The following SHH variants were observed in gnomAD, a reference collection of about 807,000 sequenced individuals.
The protein encoded by SHH is sonic hedgehog protein.
In SHH, 3 loss-of-function variants were observed where a neutral mutation model predicts 16.6. That is an observed-to-expected ratio of 0.18 (90% CI 0.08 to 0.47). The LOEUF (loss-of-function observed/expected upper bound fraction) is 0.47, where lower values mean the gene tolerates loss of function less well. Ranked by LOEUF, SHH falls within the 20% of genes least tolerant of loss-of-function variation. The probability of loss-of-function intolerance (pLI) is 0.98; values close to 1 mark genes in which losing one functional copy is unlikely to be tolerated. For missense variants in SHH, 499 were observed against 665.0 expected (o/e 0.75, Z 2.75); for synonymous variants, 351 against 316.2 (o/e 1.11, Z -1.17).
rs1803533904 is a variant in SHH, at chr7:155,812,030, C to T, written c.93G>A (p.Gly31=). 5 of 1,614,180 alleles carry T rather than the reference C, an allele frequency of 3.1e-6. No homozygotes were observed. Among genetic ancestry groups the T allele is most frequent in the Middle Eastern group, 3.3e-4 (2 of 6,062 alleles). ...TCAGCTTTTTGGGGTGCCTCCTCTT[C>T]CCGAACCCCCTGCCCGGTCCGCACG... ...GLACGPGRGF[G]KRRHPKKLTP... is the part of the protein sequence containing the mutation. The change falls in exon 1 of 3, where the codon GGG becomes GGA. Residue 31 remains glycine (G), a synonymous_variant. Coordinates refer to ENST00000297261, the MANE Select transcript of SHH (RefSeq NM_000193.4).
At position 155,803,000 on chromosome 7, in the gene SHH, G is replaced by C. The variant is rs1002753619; in HGVS notation, c.1289C>G (p.Ala430Gly). The C allele has an allele frequency of 4.4e-5, 68 of 1,548,574 alleles. 1 individual carries two copies. The highest frequency in any genetic ancestry group is 1.2e-5 in the South Asian group (1 of 82,458). ...AADAPGAGAT[A>G]GIHWYSQLLY... ...CAGCTGCGAGTACCAGTGGATGCCC[G>C]CGGTGGCCCCCGCACCCGGAGCGTC... Residue 430 changes from alanine to glycine, a missense_variant, in exon 3 of 3, where the codon GCG becomes GGG. By Grantham distance (60) the Ala-to-Gly change is moderately conservative. This residue lies in a region of SHH where 299 missense variants were observed against 301.1 expected (regional missense o/e 0.99). Coordinates refer to ENST00000297261, the MANE Select transcript of SHH (RefSeq NM_000193.4).
At chr7:155,805,315 C>T (rs532732079) in intron 2 of SHH, among the ~76,000 whole-genome samples, 1 of 152,272 alleles carries the variant, frequency 6.6e-6, no homozygotes, top group Non-Finnish European at 1.5e-5. Flanking sequence ...CCCTGCCGCC[C>T]CCGCTCCACG....
chr7:155,807,217 G>C lies in SHH; in HGVS notation c.301-660C>G, dbSNP rs1247663108. 6.3e-6 allele frequency: 1 copy of C among 159,482 alleles called. No homozygotes were observed. The highest frequency in any genetic ancestry group is 1.4e-5 in the Non-Finnish European group (1 of 71,948). The allele number at this position is 159,482 out of a possible 1,614,324, so 9.9% of individuals were successfully genotyped here. On this transcript the variant is annotated intron_variant, in intron 1 of 2. Coordinates refer to ENST00000297261, the MANE Select transcript of SHH (RefSeq NM_000193.4). The surrounding 1 kb of genome is among the most constrained non-coding windows in gnomAD (Gnocchi z 7.1). ...GGGAGCCTGGGTGGCAGGCGGCTAG[G>C]TGAGTTGCCACTTGCAGCACAGGCC...
rs748157342 is a variant in SHH, at chr7:155,803,585, T to C, written c.704A>G (p.Tyr235Cys). The change falls in exon 3 of 3, where the codon TAC becomes TGC. Residue 235 changes from tyrosine to cysteine, a missense_variant. By Grantham distance (194) the Tyr-to-Cys change is radical. This residue lies in a region of SHH where 114 missense variants were observed against 200.4 expected (regional missense o/e 0.57). Transcript: ENST00000297261. ...GTCCAGGAAAGTGAGGAAGTCGCTG[T>C]AGAGCAGCCGGCCCTGGTCGTCCGC... ...LAADDQGRLLYSDFLTFLDRD... is the reference protein window; with the variant it reads ...LAADDQGRLLCSDFLTFLDRD... The C allele has an allele frequency of 6.3e-7, 1 of 1,598,370 alleles. No homozygotes were observed.
chr7:155,803,323 G>C lies in SHH; in HGVS notation c.966C>G (p.Asp322Glu). The change falls in exon 3 of 3, where the codon GAC (aspartate) becomes GAG (glutamate). Residue 322 changes from aspartate to glutamate, a missense_variant. By Grantham distance (45) the Asp-to-Glu change is conservative. Coordinates refer to ENST00000297261, the MANE Select transcript of SHH (RefSeq NM_000193.4). ...CGGCGGGCAGGAGCCGGCGGTCCCC[G>C]TCACGCTCGGCCACCACGTACACGC... ...GQRVYVVAER[D>E]GDRRLLPAAV... 6.8e-7 allele frequency: 1 copy of C among 1,475,212 alleles called. No individual in the cohort carries two copies. The highest frequency in any genetic ancestry group is 2.1e-4 in the Middle Eastern group (1 of 4,692). 91.4% of individuals were successfully genotyped at this position (1,475,212 alleles called of 1,614,324 possible). A position where few individuals can be genotyped will look rare whatever the true frequency, so the allele number is the denominator to read the frequency against.
At position 155,812,178 on chromosome 7, in the gene SHH, T is replaced by G. The variant is rs2117151613; in HGVS notation, c.-56A>C. On this transcript the variant is annotated 5_prime_UTR_variant, in exon 1 of 3. Coordinates refer to ENST00000297261, the MANE Select transcript of SHH (RefSeq NM_000193.4). ...GTCCCCGTGCGGGTCCGTGCGCGAGTGCGCGCGGCGGGTGTGTGCGTGTGC... is the reference window on the plus strand; with the variant it reads ...GTCCCCGTGCGGGTCCGTGCGCGAGGGCGCGCGGCGGGTGTGTGCGTGTGC... The G allele has an allele frequency of 2.6e-6, 4 of 1,559,956 alleles. No individual in the cohort carries two copies. In the South Asian group the frequency reaches 3.3e-5, roughly 13 times the overall value.
Position 155,803,588 on chromosome 7 carries a change from A to G in SHH, c.701T>C (p.Leu234Pro). The change falls in exon 3 of 3, where the codon CTC (leucine) becomes CCC (proline). Residue 234 changes from leucine (L) to proline (P), a missense_variant. Leu to Pro is a moderately conservative substitution (Grantham distance 98). Transcript: ENST00000297261. ...CAGGAAAGTGAGGAAGTCGCTGTAG[A>G]GCAGCCGGCCCTGGTCGTCCGCCGC... is the stretch of plus-strand genomic sequence containing the variant. ...VLAADDQGRL[L>P]YSDFLTFLDR... 1 of 1,598,428 alleles carries G rather than the reference A, an allele frequency of 6.3e-7. No individual in the cohort carries two copies. Among genetic ancestry groups the G allele is most frequent in the South Asian group, 1.1e-5 (1 of 90,878 alleles).
intron 1 of SHH, among the ~76,000 whole-genome samples, chr7:155,811,491 C>T (rs1293191283): frequency 1.3e-5 from 2 of 152,170 alleles, no homozygotes; most frequent in African/African-American, 4.8e-5. Context: ...GCCGACGCCC[C>T]CAAAGTGAAG....
rs1303437388 is a variant in SHH, at chr7:155,809,152, G to T, written c.301-2595C>A. On this transcript the variant is annotated intron_variant, in intron 1 of 2. Coordinates refer to ENST00000297261, the MANE Select transcript of SHH (RefSeq NM_000193.4). This position sits in a 1 kb window ranked among gnomAD's most constrained non-coding sequence, Gnocchi z 6.1. Reference sequence around the variant, plus strand: ...CGCCTGGCACCTAGGCCCGCGCGGGGAGAGCGTGTCTGTCTGCGCTTTCCT... The same window carrying T: ...CGCCTGGCACCTAGGCCCGCGCGGGTAGAGCGTGTCTGTCTGCGCTTTCCT... 6.6e-6 allele frequency: 1 copy of T among 152,270 alleles called. No individual in the cohort carries two copies. The highest frequency in any genetic ancestry group is 6.5e-5 in the Admixed American group (1 of 15,280). 9.4% of individuals were successfully genotyped at this position (152,270 alleles called of 1,614,324 possible). A position where few individuals can be genotyped will look rare whatever the true frequency, so the allele number is the denominator to read the frequency against.
rs1429376534 is a variant in SHH, at chr7:155,809,053, G to C, written c.301-2496C>G. 2.0e-5 allele frequency: 3 copies of C among 152,208 alleles called. No homozygotes were observed. The highest frequency in any genetic ancestry group is 4.8e-5 in the African/African-American group (2 of 41,430). 9.4% of individuals were successfully genotyped at this position (152,208 alleles called of 1,614,324 possible). On this transcript the variant is annotated intron_variant, in intron 1 of 2. Coordinates refer to ENST00000297261, the MANE Select transcript of SHH (RefSeq NM_000193.4). This position sits in a 1 kb window ranked among gnomAD's most constrained non-coding sequence, Gnocchi z 6.1. ...TAAATCTATTTAGTGTAGCGGCTCG[G>C]GACCCCACTCCAGGCTTCAGATCCG...
At position 155,801,995 on chromosome 7, in the gene SHH, T is replaced by C. The variant is rs1402698304; in HGVS notation, c.*905A>G. On this transcript the variant is annotated 3_prime_UTR_variant, in exon 3 of 3. Transcript: ENST00000297261. ...AACTGCAGGCTCCATCCTCGTGGGC[T>C]CGTCACTATGTGCGCTTTTAAAAAA... 2 of 150,128 alleles carry C rather than the reference T, an allele frequency of 1.3e-5. No homozygotes were observed. Among genetic ancestry groups the C allele is most frequent in the African/African-American group, 4.9e-5 (2 of 40,698 alleles). 9.3% of individuals were successfully genotyped at this position (150,128 alleles called of 1,614,324 possible). A position where few individuals can be genotyped will look rare whatever the true frequency, so the allele number is the denominator to read the frequency against.
chr7:155,808,606 G>A (rs986383650), intron 1 of SHH, among the ~76,000 whole-genome samples: 3 of 152,210 alleles, frequency 2.0e-5, no homozygotes, highest in African/African-American at 7.2e-5. Flanking sequence ...CCCGGGCTCC[G>A]CGCGGCCTCG....
Position 155,811,760 on chromosome 7 carries a change from T to C in SHH, c.300+63A>G. ...GAGCAAACAGAGTTAAGTCTGGAAG[T>C]GTTCGGCTTCTCGTAACCCCCTGGA... On this transcript the variant is annotated intron_variant, in intron 1 of 2. Coordinates refer to ENST00000297261, the MANE Select transcript of SHH (RefSeq NM_000193.4). The C allele has an allele frequency of 6.0e-6, 9 of 1,495,260 alleles. No homozygotes were observed. The South Asian group carries it at 1.0e-4, about 17-fold the overall frequency. 92.6% of individuals were successfully genotyped at this position (1,495,260 alleles called of 1,614,324 possible). A position where few individuals can be genotyped will look rare whatever the true frequency, so the allele number is the denominator to read the frequency against.
At position 155,801,627 on chromosome 7, in the gene SHH, C is replaced by T. The variant is rs1438811489; in HGVS notation, c.*1273G>A. 2 of 152,212 alleles carry T rather than the reference C, an allele frequency of 1.3e-5. No individual in the cohort carries two copies. The highest frequency in any genetic ancestry group is 2.9e-5 in the Non-Finnish European group (2 of 68,034). The allele number at this position is 152,212 out of a possible 1,614,324, so 9.4% of individuals were successfully genotyped here. A position where few individuals can be genotyped will look rare whatever the true frequency, so the allele number is the denominator to read the frequency against. On this transcript the variant is annotated 3_prime_UTR_variant, in exon 3 of 3. Coordinates refer to ENST00000297261, the MANE Select transcript of SHH (RefSeq NM_000193.4). ...TAGAAAGAGCTTCACACAATAAATA[C>T]AAACAGAGCTGAGGTTTCTCCAGCC...
Position 155,811,842 on chromosome 7 carries a change from G to T in SHH, c.281C>A (p.Ala94Glu). Residue 94 changes from alanine (A) to glutamate (E), a missense_variant, in exon 1 of 3, where the codon GCG (alanine) becomes GAG (glutamate). Around this residue, in one of 4 missense-constraint regions of SHH, gnomAD observed 75 missense variants for 115.0 expected, o/e 0.65. Transcript: ENST00000297261. ...IIFKDEENTGADRLMTQRCKD... is the reference protein window; with the variant it reads ...IIFKDEENTGEDRLMTQRCKD... ...TCCTACCTGAGTCATCAGCCTGTCC[G>T]CTCCGGTGTTTTCTTCATCCTTAAA... is the stretch of plus-strand genomic sequence containing the variant. 6.2e-7 allele frequency: 1 copy of T among 1,614,158 alleles called. No individual in the cohort carries two copies. The highest frequency in any genetic ancestry group is 1.3e-5 in the African/African-American group (1 of 75,036).
At position 155,803,075 on chromosome 7, in the gene SHH, T is replaced by C. The variant is rs1403447576; in HGVS notation, c.1214A>G (p.Asp405Gly). 2.2e-6 allele frequency: 3 copies of C among 1,371,426 alleles called. No individual in the cohort carries two copies. Among genetic ancestry groups the C allele is most frequent in the East Asian group, 3.0e-5 (1 of 32,876 alleles). 85.0% of individuals were successfully genotyped at this position (1,371,426 alleles called of 1,614,324 possible). A position where few individuals can be genotyped will look rare whatever the true frequency, so the allele number is the denominator to read the frequency against. Residue 405 changes from aspartate to glycine, a missense_variant, in exon 3 of 3, where the codon GAC becomes GGC. By Grantham distance (94) the Asp-to-Gly change is moderately conservative. Transcript: ENST00000297261. ...TDRGGDSGGG[D>G]RGGGGGRVAL... Reference sequence around the variant, plus strand: ...TACTCTGCCGCCGCCGCCCCCGCGGTCCCCGCCGCCGCTGTCCCCGCCGCG... The same window carrying C: ...TACTCTGCCGCCGCCGCCCCCGCGGCCCCCGCCGCCGCTGTCCCCGCCGCG...
chr7:155,800,092 G>C lies in SHH; in HGVS notation c.*2808C>G, dbSNP rs1803145783. The C allele has an allele frequency of 2.1e-6, 1 of 471,554 alleles. No individual in the cohort carries two copies. The highest frequency in any genetic ancestry group is 4.4e-6 in the Non-Finnish European group (1 of 227,192). 29.2% of individuals were successfully genotyped at this position (471,554 alleles called of 1,614,324 possible). ...AATAGATATGCATTTAGTCATGAGGGAGGCTGGCAGCAACCACCATGCATA... is the reference window on the plus strand; with the variant it reads ...AATAGATATGCATTTAGTCATGAGGCAGGCTGGCAGCAACCACCATGCATA... On this transcript the variant is annotated 3_prime_UTR_variant, in exon 3 of 3. Transcript: ENST00000297261.
At chr7:155,804,260 C>G (rs996433858) in intron 2 of SHH, among the ~76,000 whole-genome samples, 2 of 147,330 alleles carry the variant, frequency 1.4e-5, no homozygotes, top group Non-Finnish European at 1.5e-5. Context: ...CTGCCCGCAG[C>G]ACCCTGCCGC....
Position 155,802,867 on chromosome 7 carries a change from C to CCCCACCCCCCCCCCCA in SHH, c.*32_*33insTGGGGGGGGGGGTGGG. The stretch of plus-strand genomic sequence containing the variant: ...CGTTGCTGTTGCTGCCCCGCCCCGC[C>CCCCACCCCCCCCCCCA]CCCTCCCGCGCCCCTCCCCCGGCCC... On this transcript the variant is annotated 3_prime_UTR_variant, in exon 3 of 3. Transcript: ENST00000297261. 2 of 651,614 alleles carry CCCCACCCCCCCCCCCA rather than the reference C, an allele frequency of 3.1e-6. No individual in the cohort carries two copies. Among genetic ancestry groups the CCCCACCCCCCCCCCCA allele is most frequent in the Non-Finnish European group, 4.6e-6 (2 of 432,604 alleles). 40.4% of individuals were successfully genotyped at this position (651,614 alleles called of 1,614,324 possible).
Sources: allele counts gnomAD v4.1 joint callset (sites outside exome capture counted in the v4.1 genomes callset), GRCh38; gene constraint gnomAD v4.1.1; regional missense constraint gnomAD v4.1.1; non-coding constraint Gnocchi (gnomAD v3.1); transcripts MANE v1.5; gene names NCBI Gene and HGNC (gene_info 2026-07-23, HGNC 2026-07-21).